LIN54: variants seen among roughly 807,000 people sequenced by gnomAD.
LIN54 encodes lin-54 DREAM MuvB core complex component.
In LIN54, 9 loss-of-function variants were observed where a neutral mutation model predicts 78.7. The observed-to-expected ratio is 0.11, with a 90% confidence interval of 0.07 to 0.20. LIN54 has a LOEUF of 0.20. LIN54 is among the 10% of genes least tolerant of loss of function. The pLI, the probability that LIN54 is intolerant of heterozygous loss-of-function variation, is 1.00. For synonymous variants in LIN54, 269 were observed against 318.4 expected, an observed-to-expected ratio of 0.84 and a Z score of 1.65; for missense variants, 573 against 889.9, an observed-to-expected ratio of 0.64 and a Z score of 4.53.
intron 1 of LIN54, among the ~76,000 whole-genome samples, chr4:83,008,407 T>G (rs930666015): frequency 6.6e-6 from 1 of 152,120 alleles, no homozygotes; most frequent in Non-Finnish European, 1.5e-5. Context: ...TCCCAGCACT[T>G]TGGGAGGCCG....
intron 2 of LIN54, among the ~76,000 whole-genome samples, chr4:82,981,414 T>C (rs757390683): frequency 3.8e-4 from 58 of 152,162 alleles, no homozygotes; most frequent in Non-Finnish European, 6.8e-4. Flanking sequence ...TCTTCCACCG[T>C]TGCCTGCTAT....
intron 4 of LIN54, among the ~76,000 whole-genome samples, chr4:82,965,568 A>G (rs547278500): frequency 7.9e-4 from 121 of 152,356 alleles, no homozygotes; most frequent in South Asian, 5.4e-3. Context: ...GGTATCCATT[A>G]CAGCAAGGAG....
intron 3 of LIN54, among the ~76,000 whole-genome samples, chr4:82,972,797 A>G (rs1202852199): frequency 6.6e-6 from 1 of 152,136 alleles, no homozygotes; most frequent in Admixed American, 6.5e-5. Flanking sequence ...CCTGGCCAAC[A>G]TGGTGAAACC....
intron 4 of LIN54, among the ~76,000 whole-genome samples, chr4:82,951,275 G>A (rs964953793): frequency 6.6e-6 from 1 of 152,146 alleles, no homozygotes; most frequent in Non-Finnish European, 1.5e-5. Flanking sequence ...GTATTGACTG[G>A]TGAAATATTA....
At chr4:82,991,318 T>A (rs899543119) in intron 1 of LIN54, among the ~76,000 whole-genome samples, 12 of 152,182 alleles carry the variant, frequency 7.9e-5, no homozygotes, top group Non-Finnish European at 1.6e-4. Flanking sequence ...ATAAATGGCA[T>A]TTTCCATTTT....
intron 4 of LIN54, among the ~76,000 whole-genome samples, chr4:82,968,837 T>A (rs536908193): frequency 6.6e-6 from 1 of 152,278 alleles, no homozygotes; most frequent in East Asian, 1.9e-4. Context: ...AAATTTCATA[T>A]TATTTATAGC....
chr4:82,974,015 C>A (rs926274281), intron 3 of LIN54, among the ~76,000 whole-genome samples: 7 of 152,026 alleles, frequency 4.6e-5, no homozygotes, highest in African/African-American at 1.7e-4. Context: ...TTGGGACCAT[C>A]CTGGCTAACA....
At chr4:82,932,385 C>T (rs1452898809) in intron 11 of LIN54, among the ~76,000 whole-genome samples, 5 of 151,116 alleles carry the variant, frequency 3.3e-5, no homozygotes, top group African/African-American at 7.3e-5. Context: ...TGTGAGCCAC[C>T]GCGCCTGGCC....
chr4:82,981,236 TAAGGAGTTA>T, intron 2 of LIN54, among the ~76,000 whole-genome samples: 1 of 152,210 alleles, frequency 6.6e-6, no homozygotes, highest in Non-Finnish European at 1.5e-5. Context: ...CAGGAGCTAG[TAAGGAGTTA>T]TATTGTTCCA....
intron 4 of LIN54, among the ~76,000 whole-genome samples, chr4:82,967,132 AG>A (rs1725268096): frequency 6.6e-6 from 1 of 151,568 alleles, no homozygotes; most frequent in Non-Finnish European, 1.5e-5. Context: ...ACGCTGAGGC[AG>A]GAGAATTGTT....
chr4:83,011,981 T>C (rs1372512769), upstream of LIN54: 2 of 970,550 alleles, frequency 2.1e-6, no homozygotes, highest in Non-Finnish European at 1.2e-6. Flanking sequence ...AAGAGTAAGG[T>C]TGAAGTTGAA....
intron 1 of LIN54, among the ~76,000 whole-genome samples, chr4:82,991,449 T>A (rs1360237845): frequency 6.6e-6 from 1 of 152,222 alleles, no homozygotes; most frequent in African/African-American, 2.4e-5. Context: ...ACTTAAGATT[T>A]TCTATAAATA....
chr4:82,986,432 TA>T, intron 1 of LIN54, among the ~76,000 whole-genome samples: 1 of 152,050 alleles, frequency 6.6e-6, no homozygotes, highest in East Asian at 1.9e-4. Context: ...TTTTTAAATA[TA>T]AAAATACACC....
rs1380134741 is a variant in LIN54, at chr4:82,937,362, GC to G, written c.1533-65del. On this transcript the variant is annotated intron_variant, in intron 8 of 12. Coordinates refer to ENST00000340417, the MANE Select transcript of LIN54 (RefSeq NM_194282.4). ...AATAGTAACTAAAATTAATTTAGTT[GC>G]TACAACTAATTTAAAATTTAAAAAA... 47 of 1,004,714 alleles carry G rather than the reference GC, an allele frequency of 4.7e-5. No individual in the cohort carries two copies. The East Asian group carries it at 5.7e-4, about 12-fold the overall frequency. 62.2% of individuals were successfully genotyped at this position (1,004,714 alleles called of 1,614,324 possible). A position where few individuals can be genotyped will look rare whatever the true frequency, so the allele number is the denominator to read the frequency against.
chr4:82,963,295 A>G (rs1292212998), intron 4 of LIN54, among the ~76,000 whole-genome samples: 3 of 152,172 alleles, frequency 2.0e-5, no homozygotes, highest in Admixed American at 6.5e-5. Flanking sequence ...AACAAGCAAA[A>G]GCTGAGAGAA....
chr4:82,932,158 G>C (rs557780134), intron 11 of LIN54, among the ~76,000 whole-genome samples: 1 of 147,234 alleles, frequency 6.8e-6, no homozygotes, highest in African/African-American at 2.5e-5. Context: ...GCAGTGGCGC[G>C]ATCTCAGCTC....
chr4:82,927,130 C>T lies in LIN54; in HGVS notation c.*972G>A, dbSNP rs1015553312. 6.9e-6 allele frequency: 1 copy of T among 143,900 alleles called. No individual in the cohort carries two copies. The highest frequency in any genetic ancestry group is 1.5e-5 in the Non-Finnish European group (1 of 66,688). 8.9% of individuals were successfully genotyped at this position (143,900 alleles called of 1,614,324 possible). On this transcript the variant is annotated 3_prime_UTR_variant, in exon 13 of 13. Transcript: ENST00000340417. ...CACCATTGCACTCCAGCCTGGGCTA[C>T]ACAGCGAGACTCCGTCTCAAAAAAA...
upstream of LIN54, among the ~76,000 whole-genome samples, chr4:83,012,569 G>A (rs1729918318): frequency 2.6e-5 from 4 of 152,086 alleles, no homozygotes; most frequent in South Asian, 4.1e-4. Flanking sequence ...CCGACGGGAA[G>A]AGACCGAGCC....
At chr4:82,997,066 C>A (rs1425969330) in intron 1 of LIN54, among the ~76,000 whole-genome samples, 2 of 152,036 alleles carry the variant, frequency 1.3e-5, no homozygotes, top group Non-Finnish European at 2.9e-5. Flanking sequence ...AAGACAGGAA[C>A]ATATTTGTCT....
Sources: allele counts gnomAD v4.1 joint callset (sites outside exome capture counted in the v4.1 genomes callset), GRCh38; gene constraint gnomAD v4.1.1; transcripts MANE v1.5; gene names NCBI Gene and HGNC (gene_info 2026-07-23, HGNC 2026-07-21).